CNTN2: variants seen among roughly 807,000 people sequenced by gnomAD.
CNTN2 encodes the protein contactin 2, also known as contactin-2.
A neutral mutation model predicts 117.5 loss-of-function variants in CNTN2; 53 were observed. The observed-to-expected ratio is 0.45, with a 90% CI of 0.36 to 0.57. The LOEUF is 0.57. CNTN2 is among the 20% of genes least tolerant of loss of function. The pLI is 0.00. For missense variants in CNTN2, 1,106 were observed against 1,404.3 expected, an observed-to-expected ratio of 0.79 and a Z score of 3.39; for synonymous variants, 530 against 561.7, an observed-to-expected ratio of 0.94 and a Z score of 0.80.
intron 1 of CNTN2, among the ~76,000 whole-genome samples, chr1:205,044,969 G>C (rs1051383789): frequency 6.6e-6 from 1 of 152,174 alleles, no homozygotes; most frequent in Admixed American, 6.5e-5. Context: ...CAAGGTCAGA[G>C]TCCTTCCTAA....
Position 205,059,493 on chromosome 1 carries a change from A to T in CNTN2, c.698-90A>T. The T allele has an allele frequency of 6.8e-6, 9 of 1,319,334 alleles. No individual in the cohort carries two copies. In the South Asian group the frequency reaches 1.1e-4, roughly 16 times the overall value. The allele number at this position is 1,319,334 out of a possible 1,614,324, so 81.7% of individuals were successfully genotyped here. A position where few individuals can be genotyped will look rare whatever the true frequency, so the allele number is the denominator to read the frequency against. On this transcript the variant is annotated intron_variant, in intron 6 of 22. Transcript: ENST00000331830. The surrounding 1 kb of genome is among the most constrained non-coding windows in gnomAD (Gnocchi z 5.6). The stretch of plus-strand genomic sequence containing the variant: ...AGATTCCACACAGCTGCCTAGACAG[A>T]GTTGGCTCTGAAAGGTGCTGAGATC...
chr1:205,062,295 C>A (rs1574648266), intron 9 of CNTN2, 145 bp from the exon 10 acceptor site: 1 of 1,188,304 alleles, frequency 8.4e-7, no homozygotes, highest in Non-Finnish European at 1.2e-6. Flanking sequence ...AGGTTCCAGG[C>A]AGCCCTGAGG....
At position 205,066,672 on chromosome 1, in the gene CNTN2, T is replaced by C. The variant is rs900951851; in HGVS notation, c.1975+73T>C. 15 of 1,549,910 alleles carry C rather than the reference T, an allele frequency of 9.7e-6. No individual in the cohort carries two copies. The Admixed American group carries it at 2.5e-4, about 26-fold the overall frequency. On this transcript the variant is annotated intron_variant, in intron 15 of 22. Coordinates refer to ENST00000331830, the MANE Select transcript of CNTN2 (RefSeq NM_005076.5). ...TGTAGGAGGTGGAAAGGGTCAAGGTTTGGGGATCGGGGTCTGAGGGCCAGG... is the reference window on the plus strand; with the variant it reads ...TGTAGGAGGTGGAAAGGGTCAAGGTCTGGGGATCGGGGTCTGAGGGCCAGG...
intron 1 of CNTN2, among the ~76,000 whole-genome samples, chr1:205,049,563 G>T (rs2096448716): frequency 6.6e-6 from 1 of 152,096 alleles, no homozygotes. Context: ...CTGCTCAGAG[G>T]CTATCCTGGA....
At position 205,074,384 on chromosome 1, in the gene CNTN2, T is replaced by C. The variant is rs1654757118; in HGVS notation, c.*619T>C. The C allele has an allele frequency of 5.0e-6, 2 of 399,996 alleles. No homozygotes were observed. The highest frequency in any genetic ancestry group is 4.4e-5 in the Admixed American group (1 of 22,902). 24.8% of individuals were successfully genotyped at this position (399,996 alleles called of 1,614,324 possible). A position where few individuals can be genotyped will look rare whatever the true frequency, so the allele number is the denominator to read the frequency against. ...CCTGAGGCTGGGAGCCTGAGCCCCTTCAGCTTTGAGGGGGGTGATACTCCA... is the reference window on the plus strand; with the variant it reads ...CCTGAGGCTGGGAGCCTGAGCCCCTCCAGCTTTGAGGGGGGTGATACTCCA... On this transcript the variant is annotated 3_prime_UTR_variant, in exon 23 of 23. Coordinates refer to ENST00000331830, the MANE Select transcript of CNTN2 (RefSeq NM_005076.5).
rs1011283320 is a variant in CNTN2 at position 205,071,851 on chromosome 1, C to CCA, written c.2545-95_2545-94dup. On this transcript the variant is annotated intron_variant, in intron 19 of 22. Coordinates refer to ENST00000331830, the MANE Select transcript of CNTN2 (RefSeq NM_005076.5). ...GAGGCCTAAGACTGGGTCACAGGGACCAGGATGAGCAAGAGAGGAACAGAA... is the reference window on the plus strand; with the variant it reads ...GAGGCCTAAGACTGGGTCACAGGGACCACAGGATGAGCAAGAGAGGAACAGAA... 2.8e-5 allele frequency: 34 copies of CCA among 1,215,962 alleles called. No individual in the cohort carries two copies. In the African/African-American group the frequency reaches 5.1e-4, roughly 18 times the overall value. 75.3% of individuals were successfully genotyped at this position (1,215,962 alleles called of 1,614,324 possible). A position where few individuals can be genotyped will look rare whatever the true frequency, so the allele number is the denominator to read the frequency against.
chr1:205,066,608 GAGCCCCAC>G lies in CNTN2; in HGVS notation c.1975+10_1975+17del, dbSNP rs1654305567. 1.9e-6 allele frequency: 3 copies of G among 1,613,592 alleles called. No homozygotes were observed. In the East Asian group the frequency reaches 6.7e-5, roughly 36 times the overall value. ...GAAGCAGGTTCGGACCAGTAAGTGT[GAGCCCCAC>G]CTGGGTCAGTGCTGATAAGGCTCGA... On this transcript the variant is annotated intron_variant, in intron 15 of 22. Transcript: ENST00000331830.
rs929353228 is a variant in CNTN2, at chr1:205,074,350, G to A, written c.*585G>A. The A allele has an allele frequency of 7.5e-6, 3 of 400,056 alleles. No individual in the cohort carries two copies. Among genetic ancestry groups the A allele is most frequent in the Admixed American group, 4.4e-5 (1 of 22,946 alleles). 24.8% of individuals were successfully genotyped at this position (400,056 alleles called of 1,614,324 possible). A position where few individuals can be genotyped will look rare whatever the true frequency, so the allele number is the denominator to read the frequency against. On this transcript the variant is annotated 3_prime_UTR_variant, in exon 23 of 23. Transcript: ENST00000331830. Reference sequence around the variant, plus strand: ...CCTGCCCAAGCGGCTGAGAACCAGCGCCCCGATGCCTGAGGCTGGGAGCCT... The same window carrying A: ...CCTGCCCAAGCGGCTGAGAACCAGCACCCCGATGCCTGAGGCTGGGAGCCT...
At chr1:205,051,908 C>T (rs1488742925) in intron 1 of CNTN2, among the ~76,000 whole-genome samples, 1 of 152,212 alleles carries the variant, frequency 6.6e-6, no homozygotes. Flanking sequence ...TCCTCTGCAG[C>T]CTTCTTTCTC....
At chr1:205,060,016 C>T in intron 7 of CNTN2, 1 of 301,118 alleles carries the variant, frequency 3.3e-6, no homozygotes, top group African/African-American at 2.1e-5. Context: ...CCCAGCTCTG[C>T]CACCCGCAGA....
chr1:205,047,889 C>T (rs2096444480), intron 1 of CNTN2, among the ~76,000 whole-genome samples: 1 of 152,184 alleles, frequency 6.6e-6, no homozygotes, highest in Non-Finnish European at 1.5e-5. Flanking sequence ...TCATCCCATT[C>T]TTGCAGATGG....
chr1:205,052,653 C>G (rs2096454850), intron 1 of CNTN2, among the ~76,000 whole-genome samples: 1 of 152,208 alleles, frequency 6.6e-6, no homozygotes, highest in Non-Finnish European at 1.5e-5. Context: ...TAGCCCCCAC[C>G]CAGACAGCTG....
chr1:205,074,534 C>G lies in CNTN2; in HGVS notation c.*769C>G. On this transcript the variant is annotated 3_prime_UTR_variant, in exon 23 of 23. Transcript: ENST00000331830. The stretch of plus-strand genomic sequence containing the variant: ...TGCCCTCTCAGCCAACACTGCCAAC[C>G]TGACCCTGTCATCCCGATTGACAGC... The G allele has an allele frequency of 2.5e-6, 1 of 398,322 alleles. No individual in the cohort carries two copies. Among genetic ancestry groups the G allele is most frequent in the African/African-American group, 2.1e-5 (1 of 48,742 alleles). The allele number at this position is 398,322 out of a possible 1,614,324, so 24.7% of individuals were successfully genotyped here.
In CNTN2 at chr1:205,073,601, A is replaced by G; in HGVS notation, c.3014-55A>G. The G allele has an allele frequency of 3.3e-6, 5 of 1,511,774 alleles. No individual in the cohort carries two copies. The highest frequency in any genetic ancestry group is 4.6e-6 in the Non-Finnish European group (5 of 1,098,350). The allele number at this position is 1,511,774 out of a possible 1,614,324, so 93.6% of individuals were successfully genotyped here. A position where few individuals can be genotyped will look rare whatever the true frequency, so the allele number is the denominator to read the frequency against. On this transcript the variant is annotated intron_variant, in intron 22 of 22. Transcript: ENST00000331830. This position sits in a 1 kb window ranked among gnomAD's most constrained non-coding sequence, Gnocchi z 6.3. ...TAGGAAAGGTCTCAATCTTGCCACA[A>G]GGGTGGGGCTAGGGTAGTCCCAGGC...
chr1:205,055,138 C>T (rs769278912), intron 2 of CNTN2, among the ~76,000 whole-genome samples: 2 of 152,018 alleles, frequency 1.3e-5, no homozygotes, highest in Non-Finnish European at 2.9e-5. Flanking sequence ...CTCAACCTCC[C>T]GAGTAGCTGG....
chr1:205,065,975 T>C lies in CNTN2; in HGVS notation c.1816+66T>C. 2 of 1,520,784 alleles carry C rather than the reference T, an allele frequency of 1.3e-6. No homozygotes were observed. The highest frequency in any genetic ancestry group is 2.1e-5 in the Admixed American group (1 of 48,096). The allele number at this position is 1,520,784 out of a possible 1,614,324, so 94.2% of individuals were successfully genotyped here. A position where few individuals can be genotyped will look rare whatever the true frequency, so the allele number is the denominator to read the frequency against. On this transcript the variant is annotated intron_variant, in intron 14 of 22. Coordinates refer to ENST00000331830, the MANE Select transcript of CNTN2 (RefSeq NM_005076.5). This position sits in a 1 kb window ranked among gnomAD's most constrained non-coding sequence, Gnocchi z 4.1. ...AAAACCCAGCTGGGCTGTTCTGACC[T>C]GCTCGCCTCATCTCCCCTCCCTTCC...
chr1:205,059,112 G>A lies in CNTN2; in HGVS notation c.516G>A (p.Glu172=). The part of the protein sequence containing the change: ...PGLSYRWLLN[E]FPNFIPTDGR... ...TGTCCTACCGCTGGCTCCTCAACGA[G>A]TTCCCCAACTTCATCCCGACGGACG... The change falls in exon 6 of 23, where the codon GAG becomes GAA. Residue 172 remains glutamate, a synonymous_variant. Coordinates refer to ENST00000331830, the MANE Select transcript of CNTN2 (RefSeq NM_005076.5). This position sits in a 1 kb window ranked among gnomAD's most constrained non-coding sequence, Gnocchi z 5.6. 1.2e-6 allele frequency: 2 copies of A among 1,614,192 alleles called. No individual in the cohort carries two copies. The highest frequency in any genetic ancestry group is 1.7e-6 in the Non-Finnish European group (2 of 1,180,054).
At chr1:205,069,696 C>T in intron 17 of CNTN2, 131 bp from the exon 18 acceptor site, 1 of 1,393,082 alleles carries the variant, frequency 7.2e-7, no homozygotes, top group South Asian at 1.3e-5. Flanking sequence ...CACCCGCTGC[C>T]CCTTACGCGA....
chr1:205,050,895 A>C (rs2096451594), intron 1 of CNTN2, among the ~76,000 whole-genome samples: 1 of 152,250 alleles, frequency 6.6e-6, no homozygotes, highest in African/African-American at 2.4e-5. Flanking sequence ...CGGGGATTAC[A>C]GGCGTGAGCC....
Sources: allele counts gnomAD v4.1 joint callset (sites outside exome capture counted in the v4.1 genomes callset), GRCh38; gene constraint gnomAD v4.1.1; non-coding constraint Gnocchi (gnomAD v3.1); transcripts MANE v1.5; gene names NCBI Gene and HGNC (gene_info 2026-07-23, HGNC 2026-07-21).